HHAT: variants seen among roughly 807,000 people sequenced by gnomAD.
HHAT encodes the protein protein-cysteine N-palmitoyltransferase HHAT.
In HHAT, 47 loss-of-function variants were observed where a neutral mutation model predicts 70.8. That is an observed-to-expected ratio of 0.66 (90% CI 0.53 to 0.85). The LOEUF (loss-of-function observed/expected upper bound fraction) is 0.85. Ranked by LOEUF, HHAT falls within the 40% of genes least tolerant of loss-of-function variation. HHAT has a pLI of 0.00. For synonymous variants in HHAT, 228 were observed against 247.6 expected (o/e 0.92, Z 0.74); for missense variants, 609 against 604.8 (o/e 1.01, Z -0.07).
At chr1:210,614,330 T>G (rs1667218668) in intron 10 of HHAT, among the ~76,000 whole-genome samples, 1 of 152,150 alleles carries the variant, frequency 6.6e-6, no homozygotes, top group Non-Finnish European at 1.5e-5. Flanking sequence ...GTTTTGTACA[T>G]GTAATCTGTG....
chr1:210,477,528 CTG>C (rs1221915858), intron 8 of HHAT, among the ~76,000 whole-genome samples: 2 of 152,146 alleles, frequency 1.3e-5, no homozygotes, highest in African/African-American at 4.8e-5. Flanking sequence ...ATCTAGTTTC[CTG>C]TGAGACTATT....
intron 9 of HHAT, among the ~76,000 whole-genome samples, chr1:210,551,628 T>C (rs1351473637): frequency 6.6e-6 from 1 of 152,218 alleles, no homozygotes; most frequent in Non-Finnish European, 1.5e-5. Flanking sequence ...TTATATGAAA[T>C]TTATTGGAAC....
chr1:210,486,127 A>G (rs1259372072), intron 8 of HHAT, among the ~76,000 whole-genome samples: 1 of 152,230 alleles, frequency 6.6e-6, no homozygotes, highest in African/African-American at 2.4e-5. Flanking sequence ...GTGTGTAGCA[A>G]AATGGGCACT....
chr1:210,556,638 G>T (rs189956155), intron 9 of HHAT, among the ~76,000 whole-genome samples: 2 of 152,144 alleles, frequency 1.3e-5, no homozygotes, highest in African/African-American at 4.8e-5. Context: ...TGATATGACA[G>T]CTTCACTCTC....
chr1:210,329,275 C>A, intron 1 of HHAT, 171 bp downstream of exon 1: 110 of 1,169,534 alleles, frequency 9.4e-5, no homozygotes, highest in East Asian at 1.5e-4. Context: ...GCGAAGAAGA[C>A]AAAAGCGGCG....
intron 6 of HHAT, among the ~76,000 whole-genome samples, chr1:210,414,793 G>C (rs1477085689): frequency 6.6e-6 from 1 of 152,124 alleles, no homozygotes; most frequent in East Asian, 1.9e-4. Context: ...CGAGGTGGGC[G>C]GATCACTGGA....
chr1:210,447,872 A>T (rs1289606218), intron 7 of HHAT, among the ~76,000 whole-genome samples: 1 of 152,194 alleles, frequency 6.6e-6, no homozygotes, highest in Non-Finnish European at 1.5e-5. Flanking sequence ...CTAGACACAG[A>T]TCTGTCTCAG....
chr1:210,452,573 T>C (rs997640215), intron 7 of HHAT, among the ~76,000 whole-genome samples: 2 of 152,254 alleles, frequency 1.3e-5, no homozygotes, highest in South Asian at 4.1e-4. Flanking sequence ...CTCTAAAAGA[T>C]AAGAACTGTT....
chr1:210,409,160 C>T (rs2092440757), intron 6 of HHAT, among the ~76,000 whole-genome samples: 1 of 152,216 alleles, frequency 6.6e-6, no homozygotes. Flanking sequence ...ACCATTGTGC[C>T]TGGCCATTCT....
At chr1:210,343,708 GGT>G (rs1368794842) in intron 1 of HHAT, among the ~76,000 whole-genome samples, 1 of 152,122 alleles carries the variant, frequency 6.6e-6, no homozygotes, top group Non-Finnish European at 1.5e-5. Flanking sequence ...TGCTGTCCAG[GGT>G]GGCTTTGGAT....
At chr1:210,575,456 C>T (rs979621613) in intron 9 of HHAT, among the ~76,000 whole-genome samples, 6 of 152,118 alleles carry the variant, frequency 3.9e-5, no homozygotes, top group Non-Finnish European at 5.9e-5. Context: ...TCCAAAGAAT[C>T]TGTTTTATAT....
At chr1:210,643,537 A>C (rs1270841616) in intron 11 of HHAT, among the ~76,000 whole-genome samples, 1 of 152,240 alleles carries the variant, frequency 6.6e-6, no homozygotes, top group Non-Finnish European at 1.5e-5. Context: ...CAGAGGGTGA[A>C]TCATTCCTTC....
At chr1:210,428,084 G>A (rs890974319) in intron 7 of HHAT, among the ~76,000 whole-genome samples, 2 of 148,122 alleles carry the variant, frequency 1.4e-5, no homozygotes, top group South Asian at 2.1e-4. Context: ...TTGGTTTAAA[G>A]TCTGTTTTGT....
At chr1:210,631,841 TA>T (rs1670922853) in intron 11 of HHAT, among the ~76,000 whole-genome samples, 1 of 152,224 alleles carries the variant, frequency 6.6e-6, no homozygotes, top group South Asian at 2.1e-4. Flanking sequence ...ATCTTGAGTG[TA>T]ATTAAGGCAC....
chr1:210,636,110 CT>C (rs1671819699), intron 11 of HHAT, among the ~76,000 whole-genome samples: 1 of 152,182 alleles, frequency 6.6e-6, no homozygotes, highest in Non-Finnish European at 1.5e-5. Flanking sequence ...GGTTTTACCC[CT>C]AACTTCTCTT....
rs146649200 is a variant in HHAT at position 210,458,511 on chromosome 1, A to G, written c.857-5994A>G. On this transcript the variant is annotated intron_variant, in intron 7 of 11. Coordinates refer to ENST00000261458, the MANE Select transcript of HHAT (RefSeq NM_018194.6). ...CTATTTTAGCTGGGGCAGTTAGAAA[A>G]ACTTTAAGAAATATGGCACTTAGAT... Among the ~76,000 whole-genome samples the G allele has an allele frequency of 2.3e-3, 345 of 152,248 alleles. 1 individual carries two copies. The highest frequency in any genetic ancestry group is 8.0e-3 in the African/African-American group (331 of 41,542).
chr1:210,623,870 T>C (rs1669352478), intron 11 of HHAT, among the ~76,000 whole-genome samples, 200 bp downstream of exon 11: 1 of 152,200 alleles, frequency 6.6e-6, no homozygotes, highest in African/African-American at 2.4e-5. Flanking sequence ...AGGTACCCCA[T>C]ATCTCCTGTA....
chr1:210,541,310 C>T (rs570469542), intron 9 of HHAT, among the ~76,000 whole-genome samples: 18 of 152,172 alleles, frequency 1.2e-4, no homozygotes, highest in Non-Finnish European at 2.5e-4. Flanking sequence ...ATTGTGTCCC[C>T]AAATCTTCCT....
chr1:210,660,268 T>C (rs1395444631), intron 11 of HHAT, among the ~76,000 whole-genome samples: 1 of 152,006 alleles, frequency 6.6e-6, no homozygotes, highest in East Asian at 1.9e-4. Flanking sequence ...TATACACCAA[T>C]AACAGACAAA....
Sources: allele counts gnomAD v4.1 joint callset (sites outside exome capture counted in the v4.1 genomes callset), GRCh38; gene constraint gnomAD v4.1.1; transcripts MANE v1.5; gene names NCBI Gene and HGNC (gene_info 2026-07-23, HGNC 2026-07-21).